PDSS2: variants seen among roughly 807,000 people sequenced by gnomAD.
PDSS2 encodes all trans-polyprenyl-diphosphate synthase PDSS2.
Under a neutral mutation model 44.5 loss-of-function variants are expected in PDSS2, and 31 were observed. That is an observed-to-expected ratio of 0.70 (90% CI 0.52 to 0.94). The LOEUF (loss-of-function observed/expected upper bound fraction) is 0.94, where lower values mean the gene tolerates loss of function less well. Ranked by LOEUF, PDSS2 falls within the 40% of genes least tolerant of loss-of-function variation. The pLI is 0.00. For synonymous variants in PDSS2, 157 were observed against 180.3 expected, an observed-to-expected ratio of 0.87 and a Z score of 1.03; for missense variants, 452 against 482.2, an observed-to-expected ratio of 0.94 and a Z score of 0.59.
At chr6:107,441,144 A>G (rs113093625) in intron 1 of PDSS2, among the ~76,000 whole-genome samples, 8 of 152,208 alleles carry the variant, frequency 5.3e-5, no homozygotes, top group Non-Finnish European at 1.0e-4. Context: ...TCACTCAAAA[A>G]TGGCTTCTAG....
intron 1 of PDSS2, among the ~76,000 whole-genome samples, chr6:107,360,224 A>G (rs1778726777): frequency 6.6e-6 from 1 of 152,218 alleles, no homozygotes; most frequent in South Asian, 2.1e-4. Flanking sequence ...AGCAAATATT[A>G]GGTCTACAAA....
intron 6 of PDSS2, among the ~76,000 whole-genome samples, chr6:107,209,969 CTTT>C (rs1224474258): frequency 1.3e-4 from 20 of 152,098 alleles, no homozygotes; most frequent in African/African-American, 4.3e-4. Flanking sequence ...CTTCGCCATG[CTTT>C]TTTCCCCCCC....
intron 3 of PDSS2, among the ~76,000 whole-genome samples, chr6:107,254,588 T>C (rs1232236514): frequency 2.6e-5 from 4 of 152,326 alleles, no homozygotes; most frequent in Middle Eastern, 3.4e-3. Context: ...AAGTCTGTTG[T>C]ACTCAGGATA....
At chr6:107,406,392 T>TA (rs566086107) in intron 1 of PDSS2, among the ~76,000 whole-genome samples, 10 of 152,308 alleles carry the variant, frequency 6.6e-5, no homozygotes, top group African/African-American at 2.4e-4. Flanking sequence ...GGTAAGGAAT[T>TA]AAGTTAACTG....
chr6:107,367,655 G>A (rs891571048), intron 1 of PDSS2, among the ~76,000 whole-genome samples: 2 of 151,764 alleles, frequency 1.3e-5, no homozygotes, highest in East Asian at 3.9e-4. Flanking sequence ...GTGCGGTGGC[G>A]GGCAAGTGTA....
intron 1 of PDSS2, among the ~76,000 whole-genome samples, chr6:107,363,894 A>G (rs983324460): frequency 1.1e-4 from 16 of 152,150 alleles, no homozygotes; most frequent in Non-Finnish European, 2.4e-4. Flanking sequence ...CTAGATACAC[A>G]GTGTCGATTG....
At chr6:107,374,202 C>T (rs1160544972) in intron 1 of PDSS2, among the ~76,000 whole-genome samples, 2 of 139,782 alleles carry the variant, frequency 1.4e-5, no homozygotes, top group Non-Finnish European at 3.0e-5. Context: ...TGCAGTGAGC[C>T]GAGATTGCAC....
Position 107,154,471 on chromosome 6 carries a change from AG to A in PDSS2, c.*147del. On this transcript the variant is annotated 3_prime_UTR_variant, in exon 8 of 8. Coordinates refer to ENST00000369037, the MANE Select transcript of PDSS2 (RefSeq NM_020381.4). Reference sequence around the variant, plus strand: ...AATTTTGTTTGTAGCAGTTCCAAAAAGAAAGCAGAACTCATTTAGCAATGTG... The same window carrying A: ...AATTTTGTTTGTAGCAGTTCCAAAAAAAAGCAGAACTCATTTAGCAATGTG... 1.3e-6 allele frequency: 1 copy of A among 752,138 alleles called. No homozygotes were observed. Among genetic ancestry groups the A allele is most frequent in the Non-Finnish European group, 2.2e-6 (1 of 451,498 alleles). 46.6% of individuals were successfully genotyped at this position (752,138 alleles called of 1,614,324 possible).
At chr6:107,313,475 C>A (rs972286589) in intron 2 of PDSS2, among the ~76,000 whole-genome samples, 4 of 152,136 alleles carry the variant, frequency 2.6e-5, no homozygotes, top group African/African-American at 7.2e-5. Context: ...GCCTCAGCCT[C>A]CTGAGTAGCT....
intron 7 of PDSS2, among the ~76,000 whole-genome samples, chr6:107,167,534 T>C (rs1554247758): frequency 6.6e-6 from 1 of 152,218 alleles, no homozygotes; most frequent in Non-Finnish European, 1.5e-5. Flanking sequence ...TGAATGTGTT[T>C]GCTCTTGCTT....
At chr6:107,220,638 T>C (rs1255921173) in intron 4 of PDSS2, among the ~76,000 whole-genome samples, 1 of 152,174 alleles carries the variant, frequency 6.6e-6, no homozygotes, top group African/African-American at 2.4e-5. Context: ...TGATTAAGAC[T>C]TTATTATTCA....
chr6:107,220,150 A>G lies in PDSS2; in HGVS notation c.703-7868T>C, dbSNP rs1047212212. Among the ~76,000 whole-genome samples the G allele has an allele frequency of 2.0e-5, 3 of 150,718 alleles. No homozygotes were observed. The Admixed American group carries it at 2.0e-4, about 10-fold the overall frequency. On this transcript the variant is annotated intron_variant, in intron 4 of 7. Transcript: ENST00000369037. ...AAAATGTTCTAAAAATGATTTGGTAATGACTGTATCACTTGATAAAAGTTA... is the reference window on the plus strand; with the variant it reads ...AAAATGTTCTAAAAATGATTTGGTAGTGACTGTATCACTTGATAAAAGTTA...
intron 1 of PDSS2, among the ~76,000 whole-genome samples, chr6:107,438,239 C>T (rs1246159481): frequency 2.0e-5 from 3 of 152,030 alleles, no homozygotes; most frequent in African/African-American, 4.8e-5. Context: ...GATGGAGTCT[C>T]GCTCTGTCAC....
chr6:107,271,314 C>T (rs1005194279), intron 3 of PDSS2, among the ~76,000 whole-genome samples: 2 of 152,284 alleles, frequency 1.3e-5, no homozygotes, highest in South Asian at 4.2e-4. Context: ...CAGTTTACTG[C>T]TGCCAAAAGG....
intron 1 of PDSS2, among the ~76,000 whole-genome samples, chr6:107,337,039 C>CCACACACACACA (rs71861456): frequency 1.6e-4 from 22 of 141,496 alleles, no homozygotes; most frequent in African/African-American, 3.0e-4. Flanking sequence ...CTTTCACATA[C>CCACACACACACA]CACACACACA....
intron 1 of PDSS2, among the ~76,000 whole-genome samples, chr6:107,400,169 T>G (rs1320923640): frequency 2.6e-5 from 4 of 152,002 alleles, no homozygotes; most frequent in African/African-American, 9.7e-5. Context: ...CAGGGAGCAG[T>G]GGAGAGACTG....
intron 1 of PDSS2, among the ~76,000 whole-genome samples, chr6:107,457,522 G>C (rs1562554997): frequency 6.6e-6 from 1 of 152,196 alleles, no homozygotes. Flanking sequence ...GGGAATTGAA[G>C]GGTAGCATCC....
At chr6:107,264,553 A>C in intron 3 of PDSS2, 1 of 1,198,912 alleles carries the variant, frequency 8.3e-7, no homozygotes, top group Non-Finnish European at 1.2e-6. Context: ...TCCATTCTTT[A>C]AATACTAGGC....
intron 2 of PDSS2, among the ~76,000 whole-genome samples, chr6:107,299,166 A>AAG (rs1776614240): frequency 6.6e-6 from 1 of 150,506 alleles, no homozygotes; most frequent in Non-Finnish European, 1.5e-5. Flanking sequence ...AAAAAAAAAA[A>AAG]AAAGAAACAA....
Sources: allele counts gnomAD v4.1 joint callset (sites outside exome capture counted in the v4.1 genomes callset), GRCh38; gene constraint gnomAD v4.1.1; transcripts MANE v1.5; gene names NCBI Gene and HGNC (gene_info 2026-07-23, HGNC 2026-07-21).